The following ADGB variants were observed in gnomAD, a reference collection of about 807,000 sequenced individuals.
ADGB encodes androglobin, also known as calpain-7-like protein.
Under a neutral mutation model 210.5 loss-of-function variants are expected in ADGB, and 172 were observed. That is an observed-to-expected ratio of 0.82 (90% CI 0.72 to 0.93). The LOEUF is 0.93. Ranked by LOEUF, ADGB falls within the 40% of genes least tolerant of loss-of-function variation. ADGB has a pLI of 0.00. For synonymous variants in ADGB, 658 were observed against 662.7 expected (o/e 0.99, Z 0.11); for missense variants, 2,025 against 1,964.8 (o/e 1.03, Z -0.58).
Position 146,668,503 on chromosome 6 carries a change from A to T in ADGB, c.839+1601A>T, listed in dbSNP as rs187431446. ...GGAAAGGCCAAGATAGCACTCTTTTATATCTTCTTTTGGAAACTTTTCCTA... is the reference window on the plus strand; with the variant it reads ...GGAAAGGCCAAGATAGCACTCTTTTTTATCTTCTTTTGGAAACTTTTCCTA... On this transcript the variant is annotated intron_variant, in intron 7 of 35. Coordinates refer to ENST00000397944, the MANE Select transcript of ADGB (RefSeq NM_024694.4). Among the ~76,000 whole-genome samples, 113 of 152,188 alleles carry T rather than the reference A, an allele frequency of 7.4e-4. No homozygotes were observed. In the East Asian group the frequency reaches 0.014, roughly 18 times the overall value.
At chr6:146,735,362 G>A (rs559216387) in intron 22 of ADGB, among the ~76,000 whole-genome samples, 1 of 152,252 alleles carries the variant, frequency 6.6e-6, no homozygotes, top group Non-Finnish European at 1.5e-5. Context: ...TATCCCATGA[G>A]GAAGGTGGCA....
chr6:146,720,085 G>A (rs1776791951), intron 16 of ADGB, among the ~76,000 whole-genome samples: 1 of 151,948 alleles, frequency 6.6e-6, no homozygotes, highest in Non-Finnish European at 1.5e-5. Flanking sequence ...GTAGAATAAT[G>A]TGAAAAACTT....
intron 31 of ADGB, 119 bp downstream of exon 31, chr6:146,784,913 T>G: frequency 9.7e-7 from 1 of 1,034,600 alleles, no homozygotes; most frequent in Non-Finnish European, 1.4e-6. Context: ...ATCTGAAATT[T>G]TATCAGACAG....
chr6:146,734,479 A>T (rs534543413), intron 22 of ADGB, among the ~76,000 whole-genome samples: 38 of 152,376 alleles, frequency 2.5e-4, no homozygotes, highest in African/African-American at 9.1e-4. Flanking sequence ...CTAATGCATA[A>T]TAAAGAAGCC....
rs1777617713 is a variant in ADGB, at chr6:146,769,147, T to A, written c.3862+16T>A. 7.9e-7 allele frequency: 1 copy of A among 1,259,196 alleles called. No homozygotes were observed. Among genetic ancestry groups the A allele is most frequent in the Non-Finnish European group, 1.1e-6 (1 of 892,146 alleles). 78.0% of individuals were successfully genotyped at this position (1,259,196 alleles called of 1,614,324 possible). A position where few individuals can be genotyped will look rare whatever the true frequency, so the allele number is the denominator to read the frequency against. Reference sequence around the variant, plus strand: ...AATACCAAAGGTATGTCACCCTAAATGTTTAAACATGCACTTTACATTTGA... The same window carrying A: ...AATACCAAAGGTATGTCACCCTAAAAGTTTAAACATGCACTTTACATTTGA... On this transcript the variant is annotated intron_variant, in intron 29 of 35. Transcript: ENST00000397944.
At chr6:146,609,109 C>T (rs548702010) in intron 1 of ADGB, among the ~76,000 whole-genome samples, 45 of 152,212 alleles carry the variant, frequency 3.0e-4, no homozygotes, top group Admixed American at 6.5e-4. Context: ...GAACTGAACC[C>T]TTTATCGTTA....
intron 16 of ADGB, 30 bp from the exon 17 acceptor site, chr6:146,721,373 A>T: frequency 1.5e-6 from 2 of 1,318,394 alleles, no homozygotes; most frequent in Admixed American, 2.0e-5. Context: ...AACTGATATT[A>T]AGTATGACAA....
chr6:146,782,268 T>C, intron 30 of ADGB, 76 bp downstream of exon 30: 1 of 1,348,000 alleles, frequency 7.4e-7, no homozygotes, highest in Non-Finnish European at 9.8e-7. Flanking sequence ...CTATCTCGTC[T>C]GAGGACAAAA....
In ADGB at chr6:146,672,263, T is replaced by C; in HGVS notation, c.883T>C (p.Leu295=). 1.3e-6 allele frequency: 2 copies of C among 1,547,356 alleles called. No homozygotes were observed. The highest frequency in any genetic ancestry group is 1.7e-4 in the Middle Eastern group (1 of 5,978). The change falls in exon 8 of 36, where the codon TTG becomes CTG. Residue 295 remains leucine (L), a synonymous_variant. Transcript: ENST00000397944. ...AGTTTGGGAGCTCCTGAAAGAAATA[T>C]TGCCTGAGTTTAAGCTGTCAGATGA... The part of the protein sequence containing the change: ...DKVWELLKEI[L]PEFKLSDEAS...
chr6:146,730,188 C>T (rs1776958787), intron 20 of ADGB, among the ~76,000 whole-genome samples: 1 of 152,078 alleles, frequency 6.6e-6, no homozygotes, highest in African/African-American at 2.4e-5. Flanking sequence ...ATCCATTATT[C>T]AAACTTGACT....
intron 29 of ADGB, among the ~76,000 whole-genome samples, chr6:146,775,353 A>C (rs1383640592): frequency 6.6e-6 from 1 of 152,154 alleles, no homozygotes; most frequent in Non-Finnish European, 1.5e-5. Flanking sequence ...TTCTATTATA[A>C]ATGTTTAGAA....
At chr6:146,814,274 C>T (rs1583653274) in intron 35 of ADGB, among the ~76,000 whole-genome samples, 2 of 152,168 alleles carry the variant, frequency 1.3e-5, no homozygotes, top group East Asian at 3.8e-4. Context: ...TTCAGACTAG[C>T]ATCTGTGCTT....
chr6:146,784,588 T>A, intron 30 of ADGB, 30 bp from the exon 31 acceptor site: 8 of 1,472,570 alleles, frequency 5.4e-6, no homozygotes, highest in Non-Finnish European at 6.3e-6. Context: ...AAGGAAAGCA[T>A]GCAAAACCCA....
intron 1 of ADGB, among the ~76,000 whole-genome samples, chr6:146,632,807 A>G (rs1781083452): frequency 6.6e-6 from 1 of 152,146 alleles, no homozygotes; most frequent in Admixed American, 6.6e-5. Flanking sequence ...AATACGGAAT[A>G]AATGTCTGGC....
At position 146,746,565 on chromosome 6, in the gene ADGB, G is replaced by T. The variant is rs531363294; in HGVS notation, c.3365+456G>T. Among the ~76,000 whole-genome samples, 4 of 152,050 alleles carry T rather than the reference G, an allele frequency of 2.6e-5. No homozygotes were observed. In the South Asian group the frequency reaches 6.2e-4, roughly 24 times the overall value. The stretch of plus-strand genomic sequence containing the variant: ...CTATTTCCAGCCCTCATTATCTTCA[G>T]TCTATACAATTGTTTTGTTTCTGGA... On this transcript the variant is annotated intron_variant, in intron 26 of 35. Coordinates refer to ENST00000397944, the MANE Select transcript of ADGB (RefSeq NM_024694.4).
intron 33 of ADGB, among the ~76,000 whole-genome samples, chr6:146,796,839 A>C (rs1778050756): frequency 6.6e-6 from 1 of 152,204 alleles, no homozygotes; most frequent in Non-Finnish European, 1.5e-5. Flanking sequence ...ACAAAAACAG[A>C]TAAATAAATG....
chr6:146,805,855 T>A (rs999204762), intron 35 of ADGB, among the ~76,000 whole-genome samples: 2 of 152,246 alleles, frequency 1.3e-5, no homozygotes, highest in Non-Finnish European at 2.9e-5. Context: ...TTACCCTGCA[T>A]GTGCATTTAT....
At chr6:146,660,429 T>A (rs1775839514) in intron 5 of ADGB, among the ~76,000 whole-genome samples, 1 of 152,132 alleles carries the variant, frequency 6.6e-6, no homozygotes, top group Non-Finnish European at 1.5e-5. Context: ...TCACAGCAAA[T>A]GATTTATTTA....
Position 146,801,944 on chromosome 6 carries a change from G to A in ADGB, c.4751G>A (p.Arg1584Gln), listed in dbSNP as rs1363166411. Residue 1584 changes from arginine (R) to glutamine (Q), a missense_variant, in exon 35 of 36, where the codon CGA becomes CAA. Arg to Gln is a conservative substitution (Grantham distance 43). Transcript: ENST00000397944. ...RQHRTRVLSI[R>Q]NIDQEERLKL... ...CATAGGACCAGAGTCCTTAGCATTC[G>A]AAACATTGACCAAGAAGAGCGGTTG... 34 of 1,550,492 alleles carry A rather than the reference G, an allele frequency of 2.2e-5. No individual in the cohort carries two copies. In the East Asian group the frequency reaches 2.4e-4, roughly 11 times the overall value.
Sources: gnomAD v4.1 joint callset for allele counts (sites outside exome capture counted in the v4.1 genomes callset) on GRCh38, gnomAD v4.1.1 for gene constraint, MANE v1.5 for transcripts, NCBI Gene and HGNC (gene_info 2026-07-23, HGNC 2026-07-21) for gene names.